Variants in NDE1 observed in about 807,000 individuals in gnomAD.
NDE1 encodes the protein nuclear distribution protein nudE homolog 1.
Under a neutral mutation model 43.4 loss-of-function variants are expected in NDE1, and 28 were observed. That is an observed-to-expected ratio of 0.65 (90% CI 0.48 to 0.89). The LOEUF (loss-of-function observed/expected upper bound fraction) is 0.89. Ranked by LOEUF, NDE1 falls within the 40% of genes least tolerant of loss-of-function variation. The pLI is 0.00. For synonymous variants in NDE1, 184 were observed against 172.0 expected, an observed-to-expected ratio of 1.07 and a Z score of -0.55; for missense variants, 441 against 434.1, an observed-to-expected ratio of 1.02 and a Z score of -0.14.
intron 4 of NDE1, among the ~76,000 whole-genome samples, chr16:15,682,788 G>A (rs527418742): frequency 3.9e-5 from 6 of 151,998 alleles, no homozygotes; most frequent in East Asian, 1.9e-4. Context: ...GCAGTGGTGC[G>A]ATCTTAGCTC....
chr16:15,684,840 G>C (rs540717610), intron 4 of NDE1, among the ~76,000 whole-genome samples: 1 of 152,076 alleles, frequency 6.6e-6, no homozygotes, highest in Non-Finnish European at 1.5e-5. Context: ...CTGGACCTTT[G>C]GTTCCTTTGT....
rs767544171 is a variant in NDE1, at chr16:15,724,622, G to A, written c.*371G>A. On this transcript the variant is annotated 3_prime_UTR_variant, in exon 9 of 9. Transcript: ENST00000396354. ...CAGAGAAGTTGAGAGGACCCATGAA[G>A]GAAGCAAGGACACGGGGCAGGCACC... is the stretch of plus-strand genomic sequence containing the variant. 1.3e-5 allele frequency: 21 copies of A among 1,613,436 alleles called. No individual in the cohort carries two copies. The highest frequency in any genetic ancestry group is 1.7e-5 in the Non-Finnish European group (20 of 1,180,044).
upstream of NDE1, among the ~76,000 whole-genome samples, chr16:15,647,933 TG>T (rs2036363414): frequency 6.6e-6 from 1 of 150,836 alleles, no homozygotes; most frequent in Admixed American, 6.6e-5. Flanking sequence ...CTCCGGAGGA[TG>T]AGGTGGGAGG....
At chr16:15,654,958 A>G (rs764533488) in intron 1 of NDE1, among the ~76,000 whole-genome samples, 9 of 151,948 alleles carry the variant, frequency 5.9e-5, no homozygotes, top group Non-Finnish European at 1.3e-4. Context: ...CTTGCAAGTC[A>G]TGTTGCCTGC....
chr16:15,664,723 CCTT>C lies in NDE1; in HGVS notation c.-43-10_-43-8del, dbSNP rs1021779104. On this transcript the variant is annotated splice_polypyrimidine_tract_variant and intron_variant, in intron 1 of 8. Transcript: ENST00000396354. ...CCAGATGTGGGTAATCATTTTGAAA[CCTT>C]CTCTCCTAGACACCATGCCACAAGG... is the stretch of plus-strand genomic sequence containing the variant. 3.8e-5 allele frequency: 50 copies of C among 1,301,228 alleles called. No homozygotes were observed. Among genetic ancestry groups the C allele is most frequent in the Non-Finnish European group, 5.0e-5 (45 of 898,638 alleles). 80.6% of individuals were successfully genotyped at this position (1,301,228 alleles called of 1,614,324 possible). A position where few individuals can be genotyped will look rare whatever the true frequency, so the allele number is the denominator to read the frequency against.
chr16:15,715,139 A>T, intron 8 of NDE1: 2 of 1,612,550 alleles, frequency 1.2e-6, no homozygotes, highest in Non-Finnish European at 1.7e-6. Context: ...TGGGGGCTCG[A>T]GGGAGGCTGG....
intron 8 of NDE1, among the ~76,000 whole-genome samples, chr16:15,698,510 G>A (rs1262336944): frequency 6.6e-6 from 1 of 152,054 alleles, no homozygotes; most frequent in African/African-American, 2.4e-5. Flanking sequence ...CACGTGACAG[G>A]AAATTAAGAA....
chr16:15,680,412 G>T (rs567145532), intron 4 of NDE1, among the ~76,000 whole-genome samples: 2 of 152,290 alleles, frequency 1.3e-5, no homozygotes, highest in Admixed American at 6.5e-5. Flanking sequence ...GTTCCTGCCA[G>T]TGCACTCAGA....
chr16:15,674,823 C>T (rs374041507), intron 3 of NDE1, among the ~76,000 whole-genome samples: 6 of 152,088 alleles, frequency 3.9e-5, no homozygotes, highest in African/African-American at 1.4e-4. Context: ...ATGGTGTTCC[C>T]ATCTCAGCCT....
intron 8 of NDE1, among the ~76,000 whole-genome samples, chr16:15,706,833 T>G (rs2039482959): frequency 6.6e-6 from 1 of 152,168 alleles, no homozygotes; most frequent in South Asian, 2.1e-4. Context: ...AATGGATAAA[T>G]TTGCTCCCTT....
chr16:15,696,865 G>C lies in NDE1; in HGVS notation c.947+5G>C, dbSNP rs1340640696. 6.2e-7 allele frequency: 1 copy of C among 1,614,040 alleles called. No individual in the cohort carries two copies. The highest frequency in any genetic ancestry group is 8.5e-7 in the Non-Finnish European group (1 of 1,180,010). On this transcript the variant is annotated splice_donor_5th_base_variant and intron_variant, in intron 8 of 8. Coordinates refer to ENST00000396354, the MANE Select transcript of NDE1 (RefSeq NM_017668.3). Reference sequence around the variant, plus strand: ...CGTGCCTTTGGGTGATAAGGGGTCAGTACCTTCTAATAAACCTCTCGCTGG... The same window carrying C: ...CGTGCCTTTGGGTGATAAGGGGTCACTACCTTCTAATAAACCTCTCGCTGG...
At position 15,721,142 on chromosome 16, in the gene NDE1, G is replaced by A. The variant is rs1416483391; in HGVS notation, c.948-3049G>A. ...CCGTGAGCGGCACCTCAGGAGATCA[G>A]GGAGGTGGCTTTGGCCTCCCACAGG... On this transcript the variant is annotated intron_variant, in intron 8 of 8. Transcript: ENST00000396354. The A allele has an allele frequency of 9.1e-6, 13 of 1,429,236 alleles. No homozygotes were observed. The African/African-American group carries it at 1.7e-4, about 19-fold the overall frequency. 88.5% of individuals were successfully genotyped at this position (1,429,236 alleles called of 1,614,324 possible).
intron 5 of NDE1, among the ~76,000 whole-genome samples, 190 bp from the exon 6 acceptor site, chr16:15,690,954 C>T (rs2151118004): frequency 6.6e-6 from 1 of 152,194 alleles, no homozygotes; most frequent in Admixed American, 6.5e-5. Context: ...ATTACAGGTG[C>T]CTACTACCAT....
At chr16:15,724,123 G>C in intron 8 of NDE1, 68 bp from the exon 9 acceptor site, 1 of 1,611,210 alleles carries the variant, frequency 6.2e-7, no homozygotes, top group Non-Finnish European at 8.5e-7. Context: ...CCAACCCAGC[G>C]TCCATGGCCA....
chr16:15,712,646 G>A (rs746831268), intron 8 of NDE1, among the ~76,000 whole-genome samples: 2 of 152,052 alleles, frequency 1.3e-5, no homozygotes, highest in African/African-American at 2.4e-5. Context: ...AGCAGGTTTC[G>A]AGGTGAGGGA....
Position 15,725,236 on chromosome 16 carries a change from G to T in NDE1, c.*985G>T. On this transcript the variant is annotated 3_prime_UTR_variant, in exon 9 of 9. Coordinates refer to ENST00000396354, the MANE Select transcript of NDE1 (RefSeq NM_017668.3). ...TGGGACCCTGGCCCTAGACTCTGTG[G>T]TTCTAAGAACTTATTTGAGCCCCAA... The T allele has an allele frequency of 1.7e-6, 1 of 601,380 alleles. No homozygotes were observed. Among genetic ancestry groups the T allele is most frequent in the South Asian group, 2.0e-5 (1 of 49,036 alleles). 37.3% of individuals were successfully genotyped at this position (601,380 alleles called of 1,614,324 possible).
chr16:15,713,671 T>A lies in NDE1; in HGVS notation c.948-10520T>A, dbSNP rs1209065376. The A allele has an allele frequency of 4.6e-5, 7 of 152,238 alleles. 1 individual carries two copies. The highest frequency in any genetic ancestry group is 3.9e-4 in the Admixed American group (6 of 15,266). 9.4% of individuals were successfully genotyped at this position (152,238 alleles called of 1,614,324 possible). On this transcript the variant is annotated intron_variant, in intron 8 of 8. Transcript: ENST00000396354. ...CCATCCCACCTGGCTGATTTTTGTT[T>A]GTTTGTTGTAGAGATGGGGTCTTGC...
rs5815842 is a variant in NDE1 at position 15,703,925 on chromosome 16, G to GT, written c.947+7073dup. The GT allele has an allele frequency of 5.0e-3, 7,999 of 1,606,278 alleles. 333 individuals carry two copies. In the African/African-American group the frequency reaches 0.094, roughly 19 times the overall value. On this transcript the variant is annotated intron_variant, in intron 8 of 8. Coordinates refer to ENST00000396354, the MANE Select transcript of NDE1 (RefSeq NM_017668.3). ...TTGCTTTGTTCTGGGTTGTTGTTGG[G>GT]TTTTTTTTGTTTGTTTGTTTTGGTT...
chr16:15,678,280 A>G (rs2037991491), intron 4 of NDE1, among the ~76,000 whole-genome samples: 1 of 152,194 alleles, frequency 6.6e-6, no homozygotes, highest in Admixed American at 6.5e-5. Flanking sequence ...CCATGATGCC[A>G]GGAGGGGTGT....
Sources: gnomAD v4.1 joint callset for allele counts (sites outside exome capture counted in the v4.1 genomes callset) on GRCh38, gnomAD v4.1.1 for gene constraint, MANE v1.5 for transcripts, NCBI Gene and HGNC (gene_info 2026-07-23, HGNC 2026-07-21) for gene names.